TXNDC11: variants seen among roughly 807,000 people sequenced by gnomAD.
TXNDC11 encodes thioredoxin domain containing 11.
Under a neutral mutation model 78.0 loss-of-function variants are expected in TXNDC11, and 68 were observed. The ratio of observed to expected loss-of-function variants is 0.87; its 90% CI spans 0.72 to 1.07. TXNDC11 has a LOEUF of 1.07. Ranked by LOEUF, TXNDC11 falls within the 50% of genes least tolerant of loss-of-function variation. The pLI, the probability that TXNDC11 is intolerant of heterozygous loss-of-function variation, is 0.00. For missense variants in TXNDC11, 1,389 were observed against 1,221.8 expected, an observed-to-expected ratio of 1.14 and a Z score of -2.04; for synonymous variants, 571 against 495.2, an observed-to-expected ratio of 1.15 and a Z score of -2.03.
chr16:11,734,273 T>C (rs1444060782), intron 2 of TXNDC11, among the ~76,000 whole-genome samples, 194 bp from the exon 3 acceptor site: 2 of 152,260 alleles, frequency 1.3e-5, no homozygotes, highest in Non-Finnish European at 2.9e-5. Context: ...TTATCTATGA[T>C]GTCCAGGCAG....
chr16:11,719,193 T>C (rs1451687683), intron 5 of TXNDC11, among the ~76,000 whole-genome samples: 3 of 152,218 alleles, frequency 2.0e-5, no homozygotes, highest in African/African-American at 7.2e-5. Context: ...CAAACTTGAA[T>C]GCTACCATCA....
At chr16:11,712,986 C>T (rs1187377726) in intron 5 of TXNDC11, among the ~76,000 whole-genome samples, 2 of 150,422 alleles carry the variant, frequency 1.3e-5, no homozygotes, top group Non-Finnish European at 3.0e-5. Context: ...GTGGTGCATG[C>T]CTGTAAATCC....
At chr16:11,711,937 T>C (rs759826414) in intron 5 of TXNDC11, among the ~76,000 whole-genome samples, 18 of 152,202 alleles carry the variant, frequency 1.2e-4, no homozygotes, top group Non-Finnish European at 2.4e-4. Flanking sequence ...TTCAACTGTA[T>C]ATAAAAGGTG....
In TXNDC11 at chr16:11,742,855, C is replaced by CGCG; in HGVS notation, c.-126_-125insCGC. On this transcript the variant is annotated 5_prime_UTR_variant, in exon 1 of 12. Coordinates refer to ENST00000283033, the MANE Select transcript of TXNDC11 (RefSeq NM_015914.7). ...GCTAACCCGGACGCTCCACGTCAGC[C>CGCG]GCGCCGCCGCCGCGGGGTCCGCCCC... 1 of 1,290,216 alleles carries CGCG rather than the reference C, an allele frequency of 7.8e-7. No individual in the cohort carries two copies. Among genetic ancestry groups the CGCG allele is most frequent in the Non-Finnish European group, 9.9e-7 (1 of 1,014,920 alleles). The allele number at this position is 1,290,216 out of a possible 1,614,324, so 79.9% of individuals were successfully genotyped here. A position where few individuals can be genotyped will look rare whatever the true frequency, so the allele number is the denominator to read the frequency against.
chr16:11,709,582 C>G (rs1163092428), intron 5 of TXNDC11, among the ~76,000 whole-genome samples: 1 of 151,156 alleles, frequency 6.6e-6, no homozygotes, highest in Admixed American at 6.6e-5. Context: ...CTACAGGCGC[C>G]CGCTACCATG....
At chr16:11,693,439 A>G (rs889772002) in intron 7 of TXNDC11, among the ~76,000 whole-genome samples, 3 of 152,010 alleles carry the variant, frequency 2.0e-5, no homozygotes, top group Non-Finnish European at 4.4e-5. Context: ...GGGTGCTGTC[A>G]CTCAGGATTT....
chr16:11,729,752 A>G (rs2051988873), intron 4 of TXNDC11, among the ~76,000 whole-genome samples: 1 of 152,174 alleles, frequency 6.6e-6, no homozygotes, highest in African/African-American at 2.4e-5. Flanking sequence ...ACATCTTTCA[A>G]TAATCCCAAT....
intron 4 of TXNDC11, among the ~76,000 whole-genome samples, chr16:11,728,976 G>A (rs1479012838): frequency 6.6e-6 from 1 of 152,112 alleles, no homozygotes; most frequent in Non-Finnish European, 1.5e-5. Flanking sequence ...ACTCCAGCCT[G>A]GGTAACAGAG....
In TXNDC11 at chr16:11,691,148, T is replaced by C. The variant is rs2141987927; in HGVS notation, c.1900+142A>G. 4.5e-6 allele frequency: 3 copies of C among 665,856 alleles called. No homozygotes were observed. In the South Asian group the frequency reaches 6.0e-5, roughly 13 times the overall value. The allele number at this position is 665,856 out of a possible 1,614,324, so 41.2% of individuals were successfully genotyped here. ...AATTAGCTTCTTTGAAAATTATGACTGATGGTGGTCTAAAGACTTAAAATG... is the reference window on the plus strand; with the variant it reads ...AATTAGCTTCTTTGAAAATTATGACCGATGGTGGTCTAAAGACTTAAAATG... On this transcript the variant is annotated intron_variant, in intron 8 of 11. Transcript: ENST00000283033.
chr16:11,725,842 T>C (rs1396568784), intron 4 of TXNDC11, among the ~76,000 whole-genome samples: 1 of 152,210 alleles, frequency 6.6e-6, no homozygotes, highest in Non-Finnish European at 1.5e-5. Context: ...AAGGCAAAAC[T>C]GTTGTCCTAG....
chr16:11,730,021 G>C (rs2052000173), intron 4 of TXNDC11, among the ~76,000 whole-genome samples: 2 of 151,926 alleles, frequency 1.3e-5, no homozygotes. Context: ...TTGAACCCAG[G>C]AAGTGGAGTT....
rs544682826 is a variant in TXNDC11 at position 11,692,040 on chromosome 16, G to C, written c.1150C>G (p.Gln384Glu). ...TGCTGAAGGAGACGCTCCACCACCT[G>C]GTCCCCATGACAGTTGTTGTACTCC... ...ALEYNNCHGDQVVERLLQHLR... is the reference protein window; with the variant it reads ...ALEYNNCHGDEVVERLLQHLR... Residue 384 changes from glutamine (Q) to glutamate (E), a missense_variant, in exon 8 of 12, where the codon CAG becomes GAG. Gln to Glu is a conservative substitution (Grantham distance 29). Transcript: ENST00000283033. 129 of 1,545,420 alleles carry C rather than the reference G, an allele frequency of 8.3e-5. 1 individual carries two copies. In the South Asian group the frequency reaches 1.6e-3, roughly 19 times the overall value.
chr16:11,707,471 C>T (rs1210019728), intron 5 of TXNDC11, among the ~76,000 whole-genome samples: 1 of 149,366 alleles, frequency 6.7e-6, no homozygotes, highest in Non-Finnish European at 1.5e-5. Flanking sequence ...TTTTTAAAGA[C>T]AGAGTCTCAC....
At position 11,691,530 on chromosome 16, in the gene TXNDC11, C is replaced by A. The variant is rs1199758840; in HGVS notation, c.1660G>T (p.Glu554Ter). 1 of 1,614,196 alleles carries A rather than the reference C, an allele frequency of 6.2e-7. No homozygotes were observed. The highest frequency in any genetic ancestry group is 1.1e-5 in the South Asian group (1 of 91,078). ...ACTTCTGGAAAGAGATACCTGTTCT[C>A]CTCAATGTGAGGAACGGAGCTTGGG... ...DAPSSVPHIE[E>*]NRYLFPEVDM... The change falls in exon 8 of 12, where the codon GAG (glutamate) becomes TAG (stop). Residue 554 changes from glutamate to a stop codon, truncating the protein, a stop_gained. Transcript: ENST00000283033. LOFTEE classifies it high-confidence loss of function.
intron 5 of TXNDC11, among the ~76,000 whole-genome samples, chr16:11,715,147 G>A (rs1231870248): frequency 1.3e-5 from 2 of 152,178 alleles, no homozygotes; most frequent in African/African-American, 4.8e-5. Flanking sequence ...AGCTACTCGA[G>A]AAGCTGAGGC....
chr16:11,723,714 C>G (rs2051786939), intron 4 of TXNDC11, among the ~76,000 whole-genome samples: 1 of 152,180 alleles, frequency 6.6e-6, no homozygotes, highest in Admixed American at 6.5e-5. Context: ...TTCTACAATT[C>G]TGTCAAAATG....
At chr16:11,731,722 G>A (rs1455697100) in intron 3 of TXNDC11, among the ~76,000 whole-genome samples, 1 of 151,466 alleles carries the variant, frequency 6.6e-6, no homozygotes, top group Non-Finnish European at 1.5e-5. Context: ...CACACGTGAT[G>A]GGATAAACAC....
rs377444325 is a variant in TXNDC11, at chr16:11,721,605, G to C, written c.765C>G (p.Phe255Leu). The stretch of plus-strand genomic sequence containing the variant: ...TCTTTAATGAATGTAATGCTGAGGT[G>C]AAGAAGGTCAAATAACCAGGAGGCT... Reference protein sequence around the residue: ...SPQPPGYLTFFTSALHSLKKD... With the variant: ...SPQPPGYLTFLTSALHSLKKD... The change falls in exon 5 of 12, where the codon TTC becomes TTG. Residue 255 changes from phenylalanine to leucine, a missense_variant. Coordinates refer to ENST00000283033, the MANE Select transcript of TXNDC11 (RefSeq NM_015914.7). 1.9e-6 allele frequency: 3 copies of C among 1,610,570 alleles called. No individual in the cohort carries two copies. Among genetic ancestry groups the C allele is most frequent in the Non-Finnish European group, 1.7e-6 (2 of 1,177,306 alleles).
intron 1 of TXNDC11, 116 bp downstream of exon 1, chr16:11,742,361 G>T: frequency 1.2e-6 from 1 of 838,428 alleles, no homozygotes; most frequent in Non-Finnish European, 1.6e-6. Context: ...CAGCCGTCCT[G>T]GGCAAGGTCA....
Sources: gnomAD v4.1 joint callset for allele counts (sites outside exome capture counted in the v4.1 genomes callset) on GRCh38, gnomAD v4.1.1 for gene constraint, MANE v1.5 for transcripts, NCBI Gene and HGNC (gene_info 2026-07-23, HGNC 2026-07-21) for gene names.